SKOR2: variants seen among roughly 807,000 people sequenced by gnomAD.
SKOR2 encodes the protein SKI family transcriptional corepressor 2, also known as LBX1 corepressor 1-like protein.
Under a neutral mutation model 69.1 loss-of-function variants are expected in SKOR2, and 47 were observed. The observed-to-expected ratio is 0.68, with a 90% confidence interval of 0.54 to 0.87. The LOEUF is 0.87. SKOR2 is among the 40% of genes least tolerant of loss of function. SKOR2 has a pLI of 0.00. For missense variants in SKOR2, 1,404 were observed against 1,472.2 expected, an observed-to-expected ratio of 0.95 and a Z score of 0.76; for synonymous variants, 717 against 672.6, an observed-to-expected ratio of 1.07 and a Z score of -1.02.
Position 47,247,726 on chromosome 18 carries a change from C to T in SKOR2, c.1458G>A (p.Gln486=). Residue 486 remains glutamine (Q), a synonymous_variant, in exon 2 of 9, where the codon CAG becomes CAA. Coordinates refer to ENST00000425639, the MANE Select transcript of SKOR2 (RefSeq NM_001278063.4). This position sits in a 1 kb window ranked among gnomAD's most constrained non-coding sequence, Gnocchi z 6.6. The part of the protein sequence containing the change: ...PGGLPVPTYL[Q]PPPQPPSALG... ...GCGCCGAGGGCGGCTGAGGCGGGGG[C>T]TGCAGGTAGGTGGGCACCGGGAGCC... The T allele has an allele frequency of 7.3e-7, 1 of 1,362,998 alleles. No individual in the cohort carries two copies. The highest frequency in any genetic ancestry group is 9.4e-7 in the Non-Finnish European group (1 of 1,068,422). 84.4% of individuals were successfully genotyped at this position (1,362,998 alleles called of 1,614,324 possible). A position where few individuals can be genotyped will look rare whatever the true frequency, so the allele number is the denominator to read the frequency against.
chr18:47,244,495 A>AT (rs1383965716), intron 4 of SKOR2, among the ~76,000 whole-genome samples: 1 of 152,226 alleles, frequency 6.6e-6, no homozygotes, highest in Non-Finnish European at 1.5e-5. Flanking sequence ...TTGTAAATGT[A>AT]TTATACATTT....
intron 4 of SKOR2, among the ~76,000 whole-genome samples, chr18:47,233,699 A>T (rs1260226303): frequency 6.6e-6 from 1 of 152,220 alleles, no homozygotes; most frequent in Non-Finnish European, 1.5e-5. Context: ...CAAATTATAG[A>T]CCAGATTCCT....
chr18:47,244,178 C>G (rs1053826676), intron 4 of SKOR2, among the ~76,000 whole-genome samples: 6 of 151,868 alleles, frequency 4.0e-5, no homozygotes, highest in African/African-American at 1.4e-4. Flanking sequence ...CTCTACACCA[C>G]TCTCTCTCTC....
At chr18:47,221,523 G>A (rs1568084572) in intron 6 of SKOR2, among the ~76,000 whole-genome samples, 3 of 152,180 alleles carry the variant, frequency 2.0e-5, no homozygotes, top group Non-Finnish European at 4.4e-5. Flanking sequence ...CCTCAACTAT[G>A]CATTATACTT....
At chr18:47,229,743 T>G (rs1472488058) in intron 6 of SKOR2, among the ~76,000 whole-genome samples, 1 of 152,146 alleles carries the variant, frequency 6.6e-6, no homozygotes, top group Non-Finnish European at 1.5e-5. Flanking sequence ...CCGGAAAGCT[T>G]GAAAAACACT....
Position 47,227,512 on chromosome 18 carries a change from G to T in SKOR2, c.2917+2947C>A, listed in dbSNP as rs1413355550. Among the ~76,000 whole-genome samples, 3 of 151,648 alleles carry T rather than the reference G, an allele frequency of 2.0e-5. No homozygotes were observed. The East Asian group carries it at 5.8e-4, about 29-fold the overall frequency. On this transcript the variant is annotated intron_variant, in intron 6 of 8. Coordinates refer to ENST00000425639, the MANE Select transcript of SKOR2 (RefSeq NM_001278063.4). ...CACCAGCTAATTTTTTATATTTCTG[G>T]TACAGACGAGGTTTCACCATGTTGG...
chr18:47,236,894 T>TAA (rs2064226252), intron 4 of SKOR2, among the ~76,000 whole-genome samples: 1 of 152,228 alleles, frequency 6.6e-6, no homozygotes, highest in Admixed American at 6.5e-5. Flanking sequence ...AAGTGCTTAT[T>TAA]GTCTTTATTC....
In SKOR2 at chr18:47,246,813, G is replaced by A; in HGVS notation, c.2371C>T (p.Arg791Ter). Residue 791 changes from arginine (R) to a stop codon, truncating the protein, a stop_gained, in exon 2 of 9, where the codon CGA becomes TGA. Transcript: ENST00000425639. LOFTEE classifies it high-confidence loss of function. ...LVGGGRFLQG[R>*]GPSEKGSSRD... ...CTGCTCCCCTTCTCCGACGGCCCTC[G>A]GCCCTGGAGGAACCGGCCGCCCCCG... 7.0e-7 allele frequency: 1 copy of A among 1,426,502 alleles called. No homozygotes were observed. Among genetic ancestry groups the A allele is most frequent in the Non-Finnish European group, 9.1e-7 (1 of 1,099,208 alleles). The allele number at this position is 1,426,502 out of a possible 1,614,324, so 88.4% of individuals were successfully genotyped here.
chr18:47,247,089 G>A lies in SKOR2; in HGVS notation c.2095C>T (p.Pro699Ser). The A allele has an allele frequency of 3.0e-6, 4 of 1,353,396 alleles. No homozygotes were observed. The South Asian group carries it at 5.8e-5, about 20-fold the overall frequency. 83.8% of individuals were successfully genotyped at this position (1,353,396 alleles called of 1,614,324 possible). ...ERHHPAPPPP[P>S]PPPPPPPLAQ... is the part of the protein sequence containing the mutation. Reference sequence around the variant, plus strand: ...AGAGGGGGCGGCGGGGGCGGCGGCGGCGGCGGCGGCGGGGCCGGGTGGTGG... The same window carrying A: ...AGAGGGGGCGGCGGGGGCGGCGGCGACGGCGGCGGCGGGGCCGGGTGGTGG... The change falls in exon 2 of 9, where the codon CCG becomes TCG. Residue 699 changes from proline (P) to serine (S), a missense_variant. Coordinates refer to ENST00000425639, the MANE Select transcript of SKOR2 (RefSeq NM_001278063.4). This position sits in a 1 kb window ranked among gnomAD's most constrained non-coding sequence, Gnocchi z 6.6.
chr18:47,249,019 C>T lies in SKOR2; in HGVS notation c.165G>A (p.Val55=), dbSNP rs565183201. 18 of 1,543,330 alleles carry T rather than the reference C, an allele frequency of 1.2e-5. No homozygotes were observed. The African/African-American group carries it at 1.8e-4, about 15-fold the overall frequency. ...ILYGIPIVSL[V]IDGQERLCLA... ...GGCACAGGCGCTCTTGCCCGTCGATCACCAACGACACGATGGGAATGCCGT... is the reference window on the plus strand; with the variant it reads ...GGCACAGGCGCTCTTGCCCGTCGATTACCAACGACACGATGGGAATGCCGT... The change falls in exon 2 of 9, where the codon GTG becomes GTA. Residue 55 remains valine (V), a synonymous_variant. Coordinates refer to ENST00000425639, the MANE Select transcript of SKOR2 (RefSeq NM_001278063.4).
intron 5 of SKOR2, 44 bp downstream of exon 5, chr18:47,230,891 T>TG: frequency 1.3e-6 from 2 of 1,515,370 alleles, no homozygotes; most frequent in Non-Finnish European, 1.8e-6. Flanking sequence ...TCCACAGTCG[T>TG]TTAAAGCTAA....
At chr18:47,243,202 T>A (rs1347762173) in intron 4 of SKOR2, among the ~76,000 whole-genome samples, 3 of 152,132 alleles carry the variant, frequency 2.0e-5, no homozygotes, top group Non-Finnish European at 2.9e-5. Flanking sequence ...AGGTCTCCAA[T>A]CCACTTCAGC....
chr18:47,219,601 T>G (rs578246474), intron 7 of SKOR2, among the ~76,000 whole-genome samples: 1 of 152,162 alleles, frequency 6.6e-6, no homozygotes, highest in Non-Finnish European at 1.5e-5. Context: ...GAAGAGAGGA[T>G]GGAAGACAGT....
intron 6 of SKOR2, among the ~76,000 whole-genome samples, chr18:47,224,928 A>G (rs2064173655): frequency 1.3e-5 from 2 of 152,180 alleles, no homozygotes; most frequent in South Asian, 4.2e-4. Context: ...CCAAAACTTA[A>G]AAAAAAATTT....
In SKOR2 at chr18:47,247,262, C is replaced by T; in HGVS notation, c.1922G>A (p.Gly641Glu). The T allele has an allele frequency of 2.0e-6, 3 of 1,480,072 alleles. No individual in the cohort carries two copies. The highest frequency in any genetic ancestry group is 2.7e-6 in the Non-Finnish European group (3 of 1,121,170). 91.7% of individuals were successfully genotyped at this position (1,480,072 alleles called of 1,614,324 possible). ...DDAESLAKLH[G>E]ASAGAPHSAQ... ...CGAGTGGGGCGCGCCCGCCGACGCC[C>T]CGTGCAGCTTGGCCAGGCTCTCCGC... Residue 641 changes from glycine to glutamate, a missense_variant, in exon 2 of 9, where the codon GGG becomes GAG. Physicochemically the swap from Gly to Glu is moderately conservative, Grantham distance 98. Transcript: ENST00000425639. This position sits in a 1 kb window ranked among gnomAD's most constrained non-coding sequence, Gnocchi z 6.6.
In SKOR2 at chr18:47,247,219, G is replaced by A. The variant is rs1473341842; in HGVS notation, c.1965C>T (p.His655=). 2.1e-6 allele frequency: 3 copies of A among 1,441,156 alleles called. No individual in the cohort carries two copies. Among genetic ancestry groups the A allele is most frequent in the South Asian group, 2.7e-5 (2 of 73,068 alleles). 89.3% of individuals were successfully genotyped at this position (1,441,156 alleles called of 1,614,324 possible). A position where few individuals can be genotyped will look rare whatever the true frequency, so the allele number is the denominator to read the frequency against. Reference sequence around the variant, plus strand: ...GGTGGTGGTGAGGGTGGTGATGGTGGTGGGGATGCGTCTGGGCCGAGTGGG... The same window carrying A: ...GGTGGTGGTGAGGGTGGTGATGGTGATGGGGATGCGTCTGGGCCGAGTGGG... ...GAPHSAQTHP[H]HHHHPHHHHH... is the part of the protein sequence containing the mutation. Residue 655 remains histidine, a synonymous_variant, in exon 2 of 9, where the codon CAC becomes CAT. Transcript: ENST00000425639. The surrounding 1 kb of genome is among the most constrained non-coding windows in gnomAD (Gnocchi z 6.6).
intron 7 of SKOR2, among the ~76,000 whole-genome samples, chr18:47,218,327 T>C (rs1031092965): frequency 3.3e-5 from 5 of 152,118 alleles, no homozygotes; most frequent in African/African-American, 9.7e-5. Context: ...CAGTGGTTCA[T>C]GCCTGTAATC....
In SKOR2 at chr18:47,249,024, A is replaced by T. The variant is rs761022829; in HGVS notation, c.160T>A (p.Leu54Met). The T allele has an allele frequency of 6.5e-7, 1 of 1,542,604 alleles. No individual in the cohort carries two copies. The highest frequency in any genetic ancestry group is 1.2e-5 in the South Asian group (1 of 84,364). ...AGGCGCTCTTGCCCGTCGATCACCA[A>T]CGACACGATGGGAATGCCGTAGAGG... ...VILYGIPIVS[L>M]VIDGQERLCL... is the part of the protein sequence containing the mutation. Residue 54 changes from leucine to methionine, a missense_variant, in exon 2 of 9, where the codon TTG (leucine) becomes ATG (methionine). Around this residue, in one of 3 missense-constraint regions of SKOR2, gnomAD observed 104 missense variants for 95.7 expected, o/e 1.09. Transcript: ENST00000425639.
chr18:47,224,427 AG>A (rs2064171840), intron 6 of SKOR2, among the ~76,000 whole-genome samples: 1 of 152,178 alleles, frequency 6.6e-6, no homozygotes, highest in Non-Finnish European at 1.5e-5. Context: ...GAAAAGCCAA[AG>A]GGTTTTCCAA....
Sources: gnomAD v4.1 joint callset for allele counts (sites outside exome capture counted in the v4.1 genomes callset) on GRCh38, gnomAD v4.1.1 for gene constraint, gnomAD v4.1.1 regional missense constraint, Gnocchi (gnomAD v3.1) non-coding constraint, MANE v1.5 for transcripts, NCBI Gene and HGNC (gene_info 2026-07-23, HGNC 2026-07-21) for gene names.